MYO5B: variants seen among roughly 807,000 people sequenced by gnomAD.
MYO5B encodes unconventional myosin-Vb.
In MYO5B, 143 loss-of-function variants were observed where a neutral mutation model predicts 229.3. The observed-to-expected ratio is 0.62, with a 90% CI of 0.54 to 0.72. The LOEUF (loss-of-function observed/expected upper bound fraction) is 0.72. Among genes scored for constraint, MYO5B ranks in the 30% least tolerant of loss-of-function variants. The pLI, the probability that MYO5B is intolerant of heterozygous loss-of-function variation, is 0.00. For missense variants in MYO5B, 2,321 were observed against 2,331.0 expected (o/e 1.00, Z 0.09); for synonymous variants, 918 against 885.2 (o/e 1.04, Z -0.66).
At chr18:50,020,134 C>T (rs1215967490) in intron 4 of MYO5B, among the ~76,000 whole-genome samples, 3 of 152,202 alleles carry the variant, frequency 2.0e-5, no homozygotes, top group Non-Finnish European at 4.4e-5. Context: ...AGCCACCCAC[C>T]CACCTTTGCA....
intron 33 of MYO5B, among the ~76,000 whole-genome samples, chr18:49,845,717 C>T (rs1215474675): frequency 6.6e-6 from 1 of 151,856 alleles, no homozygotes; most frequent in Non-Finnish European, 1.5e-5. Context: ...AGGACTCTCT[C>T]CTCTAAGACT....
intron 4 of MYO5B, among the ~76,000 whole-genome samples, chr18:50,022,706 CA>C (rs2026289844): frequency 6.6e-6 from 1 of 152,158 alleles, no homozygotes; most frequent in African/African-American, 2.4e-5. Flanking sequence ...GCACCACGGT[CA>C]GAGAGAATTC....
chr18:50,016,730 C>T (rs1292334734), intron 4 of MYO5B, among the ~76,000 whole-genome samples: 1 of 152,138 alleles, frequency 6.6e-6, no homozygotes. Flanking sequence ...CAGAGTTGTG[C>T]AACCATCACA....
chr18:49,894,356 C>T (rs908556285), intron 22 of MYO5B, among the ~76,000 whole-genome samples: 11 of 152,164 alleles, frequency 7.2e-5, no homozygotes. Context: ...GCCCTTGGGA[C>T]TTCCCTGGCT....
chr18:49,988,197 A>G (rs2025892345), intron 7 of MYO5B, among the ~76,000 whole-genome samples: 1 of 152,186 alleles, frequency 6.6e-6, no homozygotes, highest in Non-Finnish European at 1.5e-5. Flanking sequence ...AGCAGGTCCA[A>G]ATATTCACTT....
At chr18:50,031,282 G>A (rs1462070954) in intron 4 of MYO5B, among the ~76,000 whole-genome samples, 2 of 152,154 alleles carry the variant, frequency 1.3e-5, no homozygotes, top group Non-Finnish European at 2.9e-5. Context: ...TAGGGAGGTA[G>A]TATCATTTTT....
intron 11 of MYO5B, 101 bp downstream of exon 11, chr18:49,962,848 G>A (rs543059914): frequency 9.6e-5 from 98 of 1,018,148 alleles, no homozygotes; most frequent in Non-Finnish European, 1.5e-4. Flanking sequence ...TCAGAACGTA[G>A]CCAGGGCCCA....
intron 3 of MYO5B, among the ~76,000 whole-genome samples, chr18:50,038,889 T>C (rs1222662708): frequency 1.3e-5 from 2 of 152,212 alleles, no homozygotes; most frequent in Non-Finnish European, 2.9e-5. Flanking sequence ...TGACAGTTTG[T>C]TTCAAATAAA....
At chr18:49,966,268 A>G (rs75086952) in intron 10 of MYO5B, among the ~76,000 whole-genome samples, 2,717 of 152,268 alleles carry the variant, frequency 0.018, 77 homozygotes, top group African/African-American at 0.06. Flanking sequence ...AACCACATTA[A>G]AGCACAGCCT....
chr18:49,893,660 C>A (rs2024742864), intron 22 of MYO5B, among the ~76,000 whole-genome samples: 1 of 152,198 alleles, frequency 6.6e-6, no homozygotes, highest in Non-Finnish European at 1.5e-5. Flanking sequence ...CTTTCTTCTT[C>A]CCTTAATCTC....
chr18:49,951,261 T>C (rs2025428201), intron 14 of MYO5B, among the ~76,000 whole-genome samples: 1 of 152,212 alleles, frequency 6.6e-6, no homozygotes, highest in Non-Finnish European at 1.5e-5. Context: ...TAACAAATTA[T>C]AGCCATAACT....
intron 26 of MYO5B, among the ~76,000 whole-genome samples, chr18:49,875,111 A>G (rs1485767550): frequency 1.3e-5 from 2 of 152,164 alleles, no homozygotes. Context: ...CATAGTTCTG[A>G]ATGCAGCATG....
chr18:50,177,378 T>TA (rs2144342619), intron 1 of MYO5B, among the ~76,000 whole-genome samples: 1 of 152,346 alleles, frequency 6.6e-6, no homozygotes, highest in Non-Finnish European at 1.5e-5. Flanking sequence ...CAAATGCTTT[T>TA]AACAGCTTGT....
intron 12 of MYO5B, among the ~76,000 whole-genome samples, chr18:49,955,906 C>A (rs1223556785): frequency 6.6e-6 from 1 of 152,204 alleles, no homozygotes; most frequent in Non-Finnish European, 1.5e-5. Flanking sequence ...CCTAGAAGGA[C>A]TGGCAAAACT....
intron 22 of MYO5B, among the ~76,000 whole-genome samples, chr18:49,894,095 G>A (rs2024748749): frequency 6.6e-6 from 1 of 152,160 alleles, no homozygotes; most frequent in Non-Finnish European, 1.5e-5. Flanking sequence ...GGGACTCCAA[G>A]GTCTACCGCA....
At chr18:49,890,666 A>G (rs1304213824) in intron 22 of MYO5B, among the ~76,000 whole-genome samples, 1 of 152,214 alleles carries the variant, frequency 6.6e-6, no homozygotes, top group African/African-American at 2.4e-5. Context: ...TCTAGTAGCA[A>G]ACATGGGAAA....
intron 2 of MYO5B, among the ~76,000 whole-genome samples, chr18:50,047,211 A>G (rs1335906052): frequency 6.6e-6 from 1 of 152,188 alleles, no homozygotes; most frequent in Non-Finnish European, 1.5e-5. Context: ...GCTAATATCC[A>G]GAATCTACAA....
chr18:49,880,413 C>T lies in MYO5B; in HGVS notation c.3088G>A (p.Glu1030Lys). 1 of 1,614,142 alleles carries T rather than the reference C, an allele frequency of 6.2e-7. No individual in the cohort carries two copies. The highest frequency in any genetic ancestry group is 8.5e-7 in the Non-Finnish European group (1 of 1,180,014). Reference protein sequence around the residue: ...LEQENALLKDEKEQLNNQILC... With the variant: ...LEQENALLKDKKEQLNNQILC... ...ATTTGGTTGTTGAGCTGTTCTTTCT[C>T]ATCTTTCAAGAGAGCATTTTCTTGC... The change falls in exon 23 of 40, where the codon GAG (glutamate) becomes AAG (lysine). Residue 1030 changes from glutamate to lysine, a missense_variant. Physicochemically the swap from Glu to Lys is moderately conservative, Grantham distance 56. This residue lies in a region of MYO5B where 2,113 missense variants were observed against 2,044.7 expected (regional missense o/e 1.03). Coordinates refer to ENST00000285039, the MANE Select transcript of MYO5B (RefSeq NM_001080467.3).
rs1045652857 is a variant in MYO5B at position 50,001,389 on chromosome 18, T to C, written c.478A>G (p.Ile160Val). 6.2e-7 allele frequency: 1 copy of C among 1,614,064 alleles called. No homozygotes were observed. The highest frequency in any genetic ancestry group is 1.3e-5 in the African/African-American group (1 of 74,940). ...MARDEKNQSI[I>V]VSGESGAGKT... Reference sequence around the variant, plus strand: ...CCGGCTCCAGACTCCCCACTGACTATGATGGACTGATTCTTCTCATCTCTG... The same window carrying C: ...CCGGCTCCAGACTCCCCACTGACTACGATGGACTGATTCTTCTCATCTCTG... The change falls in exon 5 of 40, where the codon ATA becomes GTA. Residue 160 changes from isoleucine to valine, a missense_variant. Around this residue, in one of 2 missense-constraint regions of MYO5B, gnomAD observed 2,113 missense variants for 2,044.7 expected, o/e 1.03. Transcript: ENST00000285039.
Sources: gnomAD v4.1 joint callset for allele counts (sites outside exome capture counted in the v4.1 genomes callset) on GRCh38, gnomAD v4.1.1 for gene constraint, gnomAD v4.1.1 regional missense constraint, MANE v1.5 for transcripts, NCBI Gene and HGNC (gene_info 2026-07-23, HGNC 2026-07-21) for gene names.